PCDHGB1: variants seen among roughly 807,000 people sequenced by gnomAD.
PCDHGB1 encodes the protein protocadherin gamma-B1.
Under a neutral mutation model 56.6 loss-of-function variants are expected in PCDHGB1, and 34 were observed. The ratio of observed to expected loss-of-function variants is 0.60; its 90% CI spans 0.46 to 0.80. The LOEUF (loss-of-function observed/expected upper bound fraction) is 0.80. PCDHGB1 is among the 30% of genes least tolerant of loss of function. The probability of loss-of-function intolerance (pLI) is 0.00; values close to 1 mark genes in which losing one functional copy is unlikely to be tolerated. For missense variants in PCDHGB1, 1,278 were observed against 1,204.6 expected, an observed-to-expected ratio of 1.06 and a Z score of -0.90; for synonymous variants, 561 against 505.9, an observed-to-expected ratio of 1.11 and a Z score of -1.46.
In PCDHGB1 at chr5:141,432,961, A is replaced by T. The variant is rs1457416543; in HGVS notation, c.2410-61846A>T. The T allele has an allele frequency of 1.5e-5, 25 of 1,613,952 alleles. 1 individual carries two copies. The South Asian group carries it at 2.3e-4, about 15-fold the overall frequency. ...AGGCTTCAGGAGGCGGCTTGACAGG[A>T]GCGCCGGCGTCGCACTTTGTGGGCG... On this transcript the variant is annotated intron_variant, in intron 1 of 3. Coordinates refer to ENST00000523390, the MANE Select transcript of PCDHGB1 (RefSeq NM_018922.3). This position sits in a 1 kb window ranked among gnomAD's most constrained non-coding sequence, Gnocchi z 6.0.
intron 1 of PCDHGB1, chr5:141,387,922 G>A (rs764365334): frequency 2.0e-6 from 3 of 1,478,496 alleles, no homozygotes; most frequent in African/African-American, 2.8e-5. Context: ...CGGGCTGAGA[G>A]GCTGCCAGTG....
intron 1 of PCDHGB1, chr5:141,355,169 C>T (rs753158485): frequency 2.5e-6 from 4 of 1,568,854 alleles, no homozygotes; most frequent in Non-Finnish European, 3.5e-6. Context: ...GAGGGAAAAC[C>T]GAAGCACAGG....
rs571588941 is a variant in PCDHGB1, at chr5:141,428,181, A to T, written c.2410-66626A>T. The T allele has an allele frequency of 1.2e-4, 181 of 1,486,230 alleles. 2 individuals carry two copies. In the South Asian group the frequency reaches 2.0e-3, roughly 16 times the overall value. The allele number at this position is 1,486,230 out of a possible 1,614,324, so 92.1% of individuals were successfully genotyped here. A position where few individuals can be genotyped will look rare whatever the true frequency, so the allele number is the denominator to read the frequency against. ...CTGGTTGCTGTGCGTGACGGAGGAC[A>T]GCCGCCGCTCTCTGCGCCGCTACGC... On this transcript the variant is annotated intron_variant, in intron 1 of 3. Coordinates refer to ENST00000523390, the MANE Select transcript of PCDHGB1 (RefSeq NM_018922.3).
rs760855582 is a variant in PCDHGB1, at chr5:141,362,235, A to AG, written c.2409+9567dup. 73 of 1,613,734 alleles carry AG rather than the reference A, an allele frequency of 4.5e-5. 1 individual carries two copies. The Middle Eastern group carries it at 5.9e-3, about 131-fold the overall frequency. Reference sequence around the variant, plus strand: ...TGGTTGTGGCCTTGGCCTTGATCTCAGTGCTCTTCTTCCTCGCGGTGATTC... The same window carrying AG: ...TGGTTGTGGCCTTGGCCTTGATCTCAGGTGCTCTTCTTCCTCGCGGTGATTC... On this transcript the variant is annotated intron_variant, in intron 1 of 3. Coordinates refer to ENST00000523390, the MANE Select transcript of PCDHGB1 (RefSeq NM_018922.3).
chr5:141,362,449 C>T (rs762665729), intron 1 of PCDHGB1: 2 of 1,614,006 alleles, frequency 1.2e-6, no homozygotes, highest in Non-Finnish European at 1.7e-6. Flanking sequence ...GAACATAACC[C>T]CGGAATTGGT....
chr5:141,385,097 C>T (rs1296944219), intron 1 of PCDHGB1: 3 of 1,614,192 alleles, frequency 1.9e-6, no homozygotes, highest in East Asian at 2.2e-5. Context: ...GGTGGCTTGG[C>T]GAACGTGCCC....
intron 1 of PCDHGB1, chr5:141,417,819 C>T: frequency 3.3e-6 from 5 of 1,513,202 alleles, no homozygotes; most frequent in Non-Finnish European, 3.5e-6. Flanking sequence ...GCACTTTCTC[C>T]AACTGGAAAA....
intron 1 of PCDHGB1, among the ~76,000 whole-genome samples, chr5:141,450,547 C>T (rs182695399): frequency 3.4e-4 from 51 of 150,496 alleles, no homozygotes; most frequent in African/African-American, 1.0e-3. Context: ...AATGCAGTGG[C>T]GCAGTCTCGG....
In PCDHGB1 at chr5:141,422,942, G is replaced by T. The variant is rs199976232; in HGVS notation, c.2409+70273G>T. On this transcript the variant is annotated intron_variant, in intron 1 of 3. Transcript: ENST00000523390. Reference sequence around the variant, plus strand: ...CTGTACCCTGCCCTCCCCACAGACGGCTCCACTGGCGTGGAGCTGGCGCCC... The same window carrying T: ...CTGTACCCTGCCCTCCCCACAGACGTCTCCACTGGCGTGGAGCTGGCGCCC... The T allele has an allele frequency of 3.6e-4, 583 of 1,614,096 alleles. 1 individual carries two copies. Among genetic ancestry groups the T allele is most frequent in the South Asian group, 5.2e-4 (47 of 91,090 alleles).
At chr5:141,393,527 T>A in intron 1 of PCDHGB1, 10 of 1,613,990 alleles carry the variant, frequency 6.2e-6, no homozygotes, top group Non-Finnish European at 6.8e-6. Context: ...CAAATGACAA[T>A]GCCCCGGTTT....
At chr5:141,370,783 C>G in intron 1 of PCDHGB1, 2 of 1,614,010 alleles carry the variant, frequency 1.2e-6, no homozygotes, top group African/African-American at 1.3e-5. Flanking sequence ...AACGACAACC[C>G]ACCGACCTTT....
intron 1 of PCDHGB1, chr5:141,372,274 G>A (rs767978142): frequency 6.2e-7 from 1 of 1,613,078 alleles, no homozygotes; most frequent in East Asian, 2.2e-5. Flanking sequence ...GGTGAGGTGC[G>A]CACGGCGCGT....
chr5:141,398,812 C>A, intron 1 of PCDHGB1: 1 of 1,613,942 alleles, frequency 6.2e-7, no homozygotes, highest in South Asian at 1.1e-5. Context: ...CACTGAGCTC[C>A]GGATCCAGGT....
Position 141,398,399 on chromosome 5 carries a change from A to G in PCDHGB1, c.2409+45730A>G, listed in dbSNP as rs763282563. 8 of 1,466,584 alleles carry G rather than the reference A, an allele frequency of 5.5e-6. No individual in the cohort carries two copies. In the Admixed American group the frequency reaches 7.2e-5, roughly 13 times the overall value. 90.8% of individuals were successfully genotyped at this position (1,466,584 alleles called of 1,614,324 possible). ...GAGTTGCTTGTGAGCAGCAGGCTAG[A>G]CAGGGAGGAGATATGCGGGAAGAAG... On this transcript the variant is annotated intron_variant, in intron 1 of 3. Coordinates refer to ENST00000523390, the MANE Select transcript of PCDHGB1 (RefSeq NM_018922.3).
chr5:141,470,147 T>A (rs1394329530), intron 1 of PCDHGB1, among the ~76,000 whole-genome samples: 1 of 152,172 alleles, frequency 6.6e-6, no homozygotes. Context: ...AGATCATAGA[T>A]CATCTTATCA....
chr5:141,480,710 T>C (rs1174000425), intron 1 of PCDHGB1, among the ~76,000 whole-genome samples: 1 of 152,042 alleles, frequency 6.6e-6, no homozygotes, highest in East Asian at 1.9e-4. Context: ...CCCCGACAAA[T>C]GAAAGCACAG....
intron 1 of PCDHGB1, chr5:141,405,172 T>G: frequency 1.2e-6 from 2 of 1,614,092 alleles, no homozygotes; most frequent in African/African-American, 2.7e-5. Flanking sequence ...CCTCACACTT[T>G]GTGGGTGTAG....
chr5:141,453,387 G>A (rs1313174494), intron 1 of PCDHGB1, among the ~76,000 whole-genome samples: 1 of 151,936 alleles, frequency 6.6e-6, no homozygotes, highest in Non-Finnish European at 1.5e-5. Flanking sequence ...TCCTGCCTTA[G>A]CCTCCAAGTG....
intron 1 of PCDHGB1, chr5:141,418,077 T>C (rs770464447): frequency 6.8e-6 from 11 of 1,613,914 alleles, no homozygotes; most frequent in Non-Finnish European, 8.5e-6. Flanking sequence ...GCGGAGAAGC[T>C]GCACTTCAGC....
Sources: gnomAD v4.1 joint callset for allele counts (sites outside exome capture counted in the v4.1 genomes callset) on GRCh38, gnomAD v4.1.1 for gene constraint, Gnocchi (gnomAD v3.1) non-coding constraint, MANE v1.5 for transcripts, NCBI Gene and HGNC (gene_info 2026-07-23, HGNC 2026-07-21) for gene names.